Variants in STAG2 observed in about 807,000 individuals in gnomAD.
The protein encoded by STAG2 is STAG2 cohesin complex component, also known as cohesin subunit SA-2.
Under a neutral mutation model 108.1 loss-of-function variants are expected in STAG2, and 14 were observed. The ratio of observed to expected loss-of-function variants is 0.13; its 90% CI spans 0.09 to 0.20. The LOEUF is 0.20. Ranked by LOEUF, STAG2 falls within the 10% of genes least tolerant of loss-of-function variation. STAG2 has a pLI of 1.00. For synonymous variants in STAG2, 307 were observed against 302.7 expected (o/e 1.01, Z -0.15); for missense variants, 440 against 940.9 (o/e 0.47, Z 6.96).
intron 5 of STAG2, among the ~76,000 whole-genome samples, chrX:124,032,125 T>C (rs2057367632): frequency 1.8e-5 from 2 of 112,223 alleles, no homozygotes; most frequent in African/African-American, 3.2e-5. Context: ...CAATTTTCCC[T>C]GAATTTATAT....
intron 26 of STAG2, 72 bp downstream of exon 26, chrX:124,076,543 A>G: frequency 1.0e-6 from 1 of 967,135 alleles, no homozygotes; most frequent in African/African-American, 2.0e-5. Flanking sequence ...CTGCCATTGA[A>G]TTCTTTAAGG....
At chrX:124,070,324 G>A (rs1288292861) in intron 24 of STAG2, among the ~76,000 whole-genome samples, 4 of 111,876 alleles carry the variant, frequency 3.6e-5, no homozygotes, top group Non-Finnish European at 7.5e-5. Context: ...AAGTAAATGT[G>A]GTTAGTTCCA....
Position 124,078,964 on chromosome X carries a change from G to A in STAG2, c.2775+906G>A, listed in dbSNP as rs372468840. Among the ~76,000 whole-genome samples, 164 of 107,850 alleles carry A rather than the reference G, an allele frequency of 1.5e-3. 2 individuals are homozygous for A. Among genetic ancestry groups the A allele is most frequent in the African/African-American group, 5.3e-3 (158 of 29,704 alleles). The allele number at this position is 107,850 out of a possible 115,157, so 93.7% of individuals were successfully genotyped here. On this transcript the variant is annotated intron_variant, in intron 27 of 34. Coordinates refer to ENST00000371145, the MANE Select transcript of STAG2 (RefSeq NM_001042750.2). The stretch of plus-strand genomic sequence containing the variant: ...AGCCTGGGCGACAGAGTGAGACTCT[G>A]TCTCAAAACAAACAAACAAAAAAAC...
At chrX:124,041,599 A>G (rs943574630) in intron 6 of STAG2, among the ~76,000 whole-genome samples, 1 of 111,214 alleles carries the variant, frequency 9.0e-6, no homozygotes, top group African/African-American at 3.3e-5. Flanking sequence ...TAGTAAGCAA[A>G]TAATTCAACA....
chrX:124,006,629 CG>C (rs1158126967), intron 1 of STAG2, among the ~76,000 whole-genome samples: 2 of 109,807 alleles, frequency 1.8e-5, no homozygotes, highest in Non-Finnish European at 3.8e-5. Context: ...TTAGTAGAGA[CG>C]GGGTTTCACT....
chrX:123,980,253 T>G (rs1439664702), intron 1 of STAG2, among the ~76,000 whole-genome samples: 1 of 111,333 alleles, frequency 9.0e-6, no homozygotes. Flanking sequence ...TTTGGGATCA[T>G]TATGCATAGT....
intron 1 of STAG2, among the ~76,000 whole-genome samples, chrX:123,998,775 A>T (rs1184241639): frequency 9.0e-6 from 1 of 111,546 alleles, no homozygotes; most frequent in Non-Finnish European, 1.9e-5. Flanking sequence ...TATTCTTATA[A>T]AAGTTGTATA....
intron 24 of STAG2, among the ~76,000 whole-genome samples, chrX:124,069,870 G>T (rs1234906743): frequency 4.5e-5 from 5 of 111,619 alleles, no homozygotes; most frequent in Non-Finnish European, 5.7e-5. Context: ...GTAGTAAATT[G>T]AATTTAGATT....
At chrX:124,037,399 G>C (rs1373159812) in intron 5 of STAG2, 128 bp from the exon 6 acceptor site, 1 of 224,639 alleles carries the variant, frequency 4.5e-6, no homozygotes, top group African/African-American at 2.9e-5. Context: ...TTAAATTTCA[G>C]TGTATAAGTA....
Position 124,066,346 on chromosome X carries a change from C to A in STAG2, c.2185-10C>A, listed in dbSNP as rs2058529506. 1 of 1,198,003 alleles carries A rather than the reference C, an allele frequency of 8.3e-7. No individual in the cohort carries two copies. Among genetic ancestry groups the A allele is most frequent in the Admixed American group, 2.2e-5 (1 of 44,755 alleles). On this transcript the variant is annotated splice_polypyrimidine_tract_variant and intron_variant, in intron 22 of 34. Transcript: ENST00000371145. ...TAAATTTTAACTGTATCCTTTGATT[C>A]TTTTTACAGATTGTTATTCACGCAC...
rs933519161 is a variant in STAG2, at chrX:123,991,494, A to G, written c.-163+29638A>G. Among the ~76,000 whole-genome samples the G allele has an allele frequency of 3.7e-5, 4 of 108,186 alleles. No homozygotes were observed. The Admixed American group carries it at 4.0e-4, about 11-fold the overall frequency. The allele number at this position is 108,186 out of a possible 115,157, so 93.9% of individuals were successfully genotyped here. Reference sequence around the variant, plus strand: ...CAGCCTCCCAAGTAGCTGGGACTACAAGCATGTGCCACCATGCCTGGCTAA... The same window carrying G: ...CAGCCTCCCAAGTAGCTGGGACTACGAGCATGTGCCACCATGCCTGGCTAA... On this transcript the variant is annotated intron_variant, in intron 1 of 34. Transcript: ENST00000371145.
rs182844830 is a variant in STAG2, at chrX:124,033,191, A to T, written c.288+2066A>T. Among the ~76,000 whole-genome samples the T allele has an allele frequency of 5.0e-3, 557 of 112,256 alleles. 2 individuals are homozygous for T. Among genetic ancestry groups the T allele is most frequent in the African/African-American group, 0.017 (521 of 30,916 alleles). ...ACTGTTTTGAATATGTTTGGCTTTT[A>T]AAAAATAAATAATGTCTTATTATAT... On this transcript the variant is annotated intron_variant, in intron 5 of 34. Transcript: ENST00000371145.
intron 4 of STAG2, among the ~76,000 whole-genome samples, chrX:124,028,813 TATA>T (rs1484772146): frequency 1.6e-3 from 147 of 89,315 alleles, no homozygotes; most frequent in African/African-American, 6.2e-3. Context: ...TATATATATA[TATA>T]TATATATTTT....
intron 25 of STAG2, among the ~76,000 whole-genome samples, chrX:124,072,284 TAAAG>T (rs1309154391): frequency 9.0e-6 from 1 of 111,662 alleles, no homozygotes; most frequent in Non-Finnish European, 1.9e-5. Flanking sequence ...AGTTAAAACT[TAAAG>T]GAAAATACAA....
intron 1 of STAG2, among the ~76,000 whole-genome samples, chrX:124,009,441 A>AGGTG (rs1376624914): frequency 5.4e-4 from 48 of 88,391 alleles, no homozygotes; most frequent in African/African-American, 1.8e-3. Flanking sequence ...GTAGGTAGGT[A>AGGTG]GGTAGATAGA....
chrX:123,981,432 C>A (rs2054872447), intron 1 of STAG2, among the ~76,000 whole-genome samples: 1 of 111,050 alleles, frequency 9.0e-6, no homozygotes, highest in Admixed American at 9.7e-5. Context: ...GTGGCTATTT[C>A]ATTTAGCATG....
intron 4 of STAG2, among the ~76,000 whole-genome samples, chrX:124,028,842 G>T: frequency 1.0e-5 from 1 of 95,750 alleles, no homozygotes; most frequent in African/African-American, 4.0e-5. Flanking sequence ...TTATAGAGAT[G>T]GGGTCTCGCT....
chrX:124,023,664 C>T (rs1037609127), intron 3 of STAG2, among the ~76,000 whole-genome samples: 3 of 111,460 alleles, frequency 2.7e-5, no homozygotes, highest in Admixed American at 9.6e-5. Context: ...AAGTTAGGTA[C>T]TTCCTGCTGC....
chrX:124,043,471 C>G (rs1438360331), intron 7 of STAG2, among the ~76,000 whole-genome samples: 1 of 111,591 alleles, frequency 9.0e-6, no homozygotes, highest in Non-Finnish European at 1.9e-5. Context: ...ATTTCATTAT[C>G]TGTAAAATGG....
Sources: allele counts gnomAD v4.1 joint callset (sites outside exome capture counted in the v4.1 genomes callset), GRCh38; gene constraint gnomAD v4.1.1; transcripts MANE v1.5; gene names NCBI Gene and HGNC (gene_info 2026-07-23, HGNC 2026-07-21).